NR6A1: variants seen among roughly 807,000 people sequenced by gnomAD.
NR6A1 encodes the protein retinoic acid receptor-related testis-associated receptor.
A neutral mutation model predicts 59.1 loss-of-function variants in NR6A1; 7 were observed. The ratio of observed to expected loss-of-function variants is 0.12; its 90% CI spans 0.07 to 0.22. The LOEUF is 0.22. Among genes scored for constraint, NR6A1 ranks in the 10% least tolerant of loss-of-function variants. The pLI is 1.00. For synonymous variants in NR6A1, 243 were observed against 236.1 expected (o/e 1.03, Z -0.27); for missense variants, 468 against 611.6 (o/e 0.77, Z 2.48).
intron 2 of NR6A1, among the ~76,000 whole-genome samples, chr9:124,715,991 C>A (rs1839408596): frequency 6.6e-6 from 1 of 152,056 alleles, no homozygotes; most frequent in Admixed American, 6.6e-5. Context: ...TTACTTGAGG[C>A]CAGGAGTTCG....
intron 7 of NR6A1, among the ~76,000 whole-genome samples, chr9:124,531,959 C>T (rs1833114093): frequency 6.6e-6 from 1 of 152,184 alleles, no homozygotes. Context: ...CGGTCTTGTC[C>T]ACGCCAATCC....
intron 2 of NR6A1, among the ~76,000 whole-genome samples, chr9:124,646,695 GT>G (rs1836939728): frequency 6.6e-6 from 1 of 152,134 alleles, no homozygotes; most frequent in South Asian, 2.1e-4. Context: ...AAAATTTCAT[GT>G]TTTAAGAAAG....
At chr9:124,698,515 C>T (rs1346678479) in intron 2 of NR6A1, 1 of 152,154 alleles carries the variant, frequency 6.6e-6, no homozygotes, top group Non-Finnish European at 1.5e-5. Context: ...GAAATTCCAG[C>T]CTATTCATGT....
intron 1 of NR6A1, among the ~76,000 whole-genome samples, chr9:124,743,658 A>G (rs771494105): frequency 3.9e-5 from 6 of 152,244 alleles, no homozygotes; most frequent in Non-Finnish European, 8.8e-5. Context: ...AGCCAGCCCA[A>G]GATTATGACA....
At chr9:124,544,626 A>T (rs757474194) in intron 3 of NR6A1, among the ~76,000 whole-genome samples, 4 of 152,212 alleles carry the variant, frequency 2.6e-5, no homozygotes, top group Admixed American at 1.3e-4. Flanking sequence ...GGTTGAGCGA[A>T]CAGTGTACAA....
At chr9:124,719,251 T>C (rs1189507271) in intron 2 of NR6A1, among the ~76,000 whole-genome samples, 1 of 151,914 alleles carries the variant, frequency 6.6e-6, no homozygotes, top group Non-Finnish European at 1.5e-5. Context: ...CACACCCAGC[T>C]AATTTTTGTA....
chr9:124,700,017 C>T (rs1187407423), intron 2 of NR6A1, among the ~76,000 whole-genome samples: 1 of 152,014 alleles, frequency 6.6e-6, no homozygotes, highest in Admixed American at 6.6e-5. Context: ...CCACCACACC[C>T]GCCTTTTTTT....
intron 2 of NR6A1, among the ~76,000 whole-genome samples, chr9:124,714,586 A>C (rs1839363102): frequency 6.6e-6 from 1 of 152,212 alleles, no homozygotes. Context: ...CATAAACATC[A>C]AAAAGGAAGA....
Position 124,745,987 on chromosome 9 carries a change from C to CAAAAAAAA in NR6A1, c.101-12646_101-12639dup, listed in dbSNP as rs755252377. Among the ~76,000 whole-genome samples, 298 of 58,402 alleles carry CAAAAAAAA rather than the reference C, an allele frequency of 5.1e-3. 6 individuals carry two copies. The highest frequency in any genetic ancestry group is 0.016 in the African/African-American group (288 of 17,542). 38.3% of individuals were successfully genotyped at this position (58,402 alleles called of 152,430 possible). ...TGGGCGACAGAGCCAGACTCTGTCT[C>CAAAAAAAA]AAAAAAAAAAAAAAAAAAAAAATCC... On this transcript the variant is annotated intron_variant, in intron 1 of 9. Transcript: ENST00000487099.
At chr9:124,601,207 C>T (rs1204185157) in intron 2 of NR6A1, among the ~76,000 whole-genome samples, 1 of 151,938 alleles carries the variant, frequency 6.6e-6, no homozygotes, top group African/African-American at 2.4e-5. Context: ...GCCCCGGAGA[C>T]GGAGGTTGCA....
chr9:124,771,311 T>G lies in NR6A1; in HGVS notation c.-192A>C, dbSNP rs1246909965. Reference sequence around the variant, plus strand: ...CCTCCGCGCCGCGCCCCCTCAGCACTGGCCAGCTCCCTCCCCTGACGTCAC... The same window carrying G: ...CCTCCGCGCCGCGCCCCCTCAGCACGGGCCAGCTCCCTCCCCTGACGTCAC... On this transcript the variant is annotated 5_prime_UTR_variant, in exon 1 of 10. Coordinates refer to ENST00000487099, the MANE Select transcript of NR6A1 (RefSeq NM_033334.4). 1 of 387,140 alleles carries G rather than the reference T, an allele frequency of 2.6e-6. No individual in the cohort carries two copies. The highest frequency in any genetic ancestry group is 1.3e-4 in the South Asian group (1 of 7,698). The allele number at this position is 387,140 out of a possible 1,614,324, so 24.0% of individuals were successfully genotyped here. A position where few individuals can be genotyped will look rare whatever the true frequency, so the allele number is the denominator to read the frequency against.
intron 2 of NR6A1, among the ~76,000 whole-genome samples, chr9:124,576,166 G>C (rs1402729779): frequency 1.3e-5 from 2 of 152,244 alleles, no homozygotes; most frequent in Non-Finnish European, 2.9e-5. Flanking sequence ...GCCTGGATTA[G>C]AGAACCAACA....
chr9:124,583,211 G>A (rs1443214688), intron 2 of NR6A1, among the ~76,000 whole-genome samples: 1 of 150,744 alleles, frequency 6.6e-6, no homozygotes, highest in African/African-American at 2.4e-5. Context: ...GAAAAGTTTG[G>A]ATAAGATATT....
chr9:124,625,913 G>A (rs1176700220), intron 2 of NR6A1, among the ~76,000 whole-genome samples: 2 of 152,208 alleles, frequency 1.3e-5, no homozygotes, highest in African/African-American at 4.8e-5. Context: ...ATTGGCTACC[G>A]TAGGTGTCTG....
At chr9:124,768,694 G>A (rs753510299) in intron 1 of NR6A1, among the ~76,000 whole-genome samples, 1 of 152,210 alleles carries the variant, frequency 6.6e-6, no homozygotes, top group Non-Finnish European at 1.5e-5. Context: ...TTGAGGAAAT[G>A]AGACTATGAA....
chr9:124,644,147 C>T (rs1247604088), intron 2 of NR6A1, among the ~76,000 whole-genome samples: 1 of 152,124 alleles, frequency 6.6e-6, no homozygotes, highest in African/African-American at 2.4e-5. Context: ...TGTGATCCAC[C>T]CACCTCGGCC....
At chr9:124,538,887 A>G (rs944511710) in intron 5 of NR6A1, among the ~76,000 whole-genome samples, 1 of 137,454 alleles carries the variant, frequency 7.3e-6, no homozygotes, top group African/African-American at 2.8e-5. Flanking sequence ...GAGAAAGCTA[A>G]CCACTCTGTC....
At chr9:124,556,996 G>C (rs901211787) in intron 2 of NR6A1, among the ~76,000 whole-genome samples, 5 of 152,106 alleles carry the variant, frequency 3.3e-5, no homozygotes, top group African/African-American at 1.2e-4. Context: ...GAGAACGACA[G>C]ATATGGAAAG....
chr9:124,733,367 G>C lies in NR6A1; in HGVS notation c.101-18C>G. On this transcript the variant is annotated intron_variant, in intron 1 of 9. Coordinates refer to ENST00000487099, the MANE Select transcript of NR6A1 (RefSeq NM_033334.4). Reference sequence around the variant, plus strand: ...ACAGAAACCTAAAGAGAAAACAATAGGAAAAAAAATTACAATTTGTGAATT... The same window carrying C: ...ACAGAAACCTAAAGAGAAAACAATACGAAAAAAAATTACAATTTGTGAATT... 2 of 1,605,068 alleles carry C rather than the reference G, an allele frequency of 1.2e-6. No individual in the cohort carries two copies. The highest frequency in any genetic ancestry group is 1.7e-6 in the Non-Finnish European group (2 of 1,172,776).
Sources: allele counts gnomAD v4.1 joint callset (sites outside exome capture counted in the v4.1 genomes callset), GRCh38; gene constraint gnomAD v4.1.1; transcripts MANE v1.5; gene names NCBI Gene and HGNC (gene_info 2026-07-23, HGNC 2026-07-21).